PIK3C2G: variants seen among roughly 807,000 people sequenced by gnomAD.
PIK3C2G encodes the protein phosphatidylinositol 3-kinase C2 domain-containing subunit gamma.
PIK3C2G carries 168 observed loss-of-function variants against 181.1 expected under a neutral mutation model. That is an observed-to-expected ratio of 0.93 (90% CI 0.82 to 1.05). PIK3C2G has a LOEUF of 1.05. PIK3C2G is among the 50% of genes least tolerant of loss of function. The pLI, the probability that PIK3C2G is intolerant of heterozygous loss-of-function variation, is 0.00. For missense variants in PIK3C2G, 1,869 were observed against 1,732.8 expected, an observed-to-expected ratio of 1.08 and a Z score of -1.40; for synonymous variants, 573 against 592.2, an observed-to-expected ratio of 0.97 and a Z score of 0.47.
intron 29 of PIK3C2G, among the ~76,000 whole-genome samples, chr12:18,578,649 G>A (rs1229751926): frequency 1.3e-5 from 2 of 152,022 alleles, no homozygotes; most frequent in Non-Finnish European, 2.9e-5. Flanking sequence ...ACCAAATCAT[G>A]TTATTTTCAG....
At chr12:18,529,506 T>A (rs1280339933) in intron 24 of PIK3C2G, among the ~76,000 whole-genome samples, 1 of 152,174 alleles carries the variant, frequency 6.6e-6, no homozygotes, top group Non-Finnish European at 1.5e-5. Context: ...CCCAGTGGTA[T>A]TATCTAGACG....
chr12:18,505,547 G>T, intron 24 of PIK3C2G, 86 bp downstream of exon 24: 1 of 882,260 alleles, frequency 1.1e-6, no homozygotes, highest in Non-Finnish European at 1.6e-6. Context: ...CCCTGCTGAT[G>T]ACTTGCTCCC....
chr12:18,395,405 T>C (rs559382257), intron 15 of PIK3C2G, among the ~76,000 whole-genome samples: 277 of 150,790 alleles, frequency 1.8e-3, no homozygotes, highest in African/African-American at 6.6e-3. Flanking sequence ...ATTAGAACTC[T>C]ATACACAGTA....
intron 26 of PIK3C2G, among the ~76,000 whole-genome samples, chr12:18,554,202 C>G (rs1944882942): frequency 6.6e-6 from 1 of 152,060 alleles, no homozygotes. Context: ...GCGCTCTTCC[C>G]AGGACACAAC....
At chr12:18,325,787 A>C (rs573692296) in intron 8 of PIK3C2G, among the ~76,000 whole-genome samples, 65 of 152,158 alleles carry the variant, frequency 4.3e-4, no homozygotes, top group African/African-American at 1.5e-3. Context: ...TGACATTTGA[A>C]ATGGCTGCAG....
chr12:18,387,733 A>C (rs1371387262), intron 14 of PIK3C2G, among the ~76,000 whole-genome samples: 1 of 152,180 alleles, frequency 6.6e-6, no homozygotes, highest in Admixed American at 6.5e-5. Flanking sequence ...CTTCCCACTG[A>C]CTGAGTGATC....
chr12:18,712,709 G>T, the PIK3C2G span: 2 of 1,078,162 alleles, frequency 1.9e-6, no homozygotes, highest in Non-Finnish European at 2.7e-6. Context: ...GGATTTCACT[G>T]CCTACTAATG....
At chr12:18,665,063 C>T in the PIK3C2G span, among the ~76,000 whole-genome samples, 11 of 149,702 alleles carry the variant, frequency 7.3e-5, no homozygotes, top group East Asian at 2.0e-4. Context: ...TGCTAAATGA[C>T]GAGTTGATGG....
chr12:18,534,496 A>G (rs980034452), intron 24 of PIK3C2G, among the ~76,000 whole-genome samples: 1 of 152,138 alleles, frequency 6.6e-6, no homozygotes, highest in Admixed American at 6.6e-5. Context: ...CGTTACAAAT[A>G]TGTTTGTACT....
At chr12:18,519,400 C>G (rs1237568386) in intron 24 of PIK3C2G, among the ~76,000 whole-genome samples, 1 of 152,148 alleles carries the variant, frequency 6.6e-6, no homozygotes, top group Non-Finnish European at 1.5e-5. Context: ...AATCTGGGTG[C>G]TCCTGTACTG....
At chr12:18,628,720 C>A (rs1214456798) in intron 31 of PIK3C2G, among the ~76,000 whole-genome samples, 1 of 152,196 alleles carries the variant, frequency 6.6e-6, no homozygotes, top group Non-Finnish European at 1.5e-5. Context: ...CTAAGGTCTT[C>A]ATTTCCAATC....
At chr12:18,316,627 T>C (rs1196081244) in intron 6 of PIK3C2G, among the ~76,000 whole-genome samples, 2 of 152,068 alleles carry the variant, frequency 1.3e-5, no homozygotes, top group East Asian at 3.9e-4. Flanking sequence ...ATTGATGCTG[T>C]TGTTTAAAAT....
intron 16 of PIK3C2G, among the ~76,000 whole-genome samples, chr12:18,401,235 T>C (rs527310516): frequency 6.6e-6 from 1 of 152,160 alleles, no homozygotes; most frequent in Admixed American, 6.6e-5. Context: ...CTTTAAATTA[T>C]AAGCAATTTG....
Position 18,609,647 on chromosome 12 carries a change from A to G in PIK3C2G, c.4182+18A>G. The G allele has an allele frequency of 7.1e-7, 1 of 1,405,138 alleles. No homozygotes were observed. The highest frequency in any genetic ancestry group is 2.5e-5 in the East Asian group (1 of 40,558). 87.0% of individuals were successfully genotyped at this position (1,405,138 alleles called of 1,614,324 possible). Reference sequence around the variant, plus strand: ...AAAACATTGTAAGTTTATTATGTATAATAAGAAACATGTAAGCCTACATCC... The same window carrying G: ...AAAACATTGTAAGTTTATTATGTATGATAAGAAACATGTAAGCCTACATCC... On this transcript the variant is annotated intron_variant, in intron 31 of 32. Transcript: ENST00000538779.
At chr12:18,671,103 G>A in the PIK3C2G span, among the ~76,000 whole-genome samples, 1 of 151,740 alleles carries the variant, frequency 6.6e-6, no homozygotes, top group African/African-American at 2.4e-5. Context: ...CTTGAGCCTG[G>A]GAAGTGGAGG....
chr12:18,701,019 C>A, the PIK3C2G span, among the ~76,000 whole-genome samples: 1 of 150,468 alleles, frequency 6.6e-6, no homozygotes, highest in Non-Finnish European at 1.5e-5. Context: ...ATCTCTCATT[C>A]TGTTGCCCAG....
In PIK3C2G at chr12:18,629,651, T is replaced by A. The variant is rs933558671; in HGVS notation, c.4183-10778T>A. 7.2e-5 allele frequency among the ~76,000 whole-genome samples: 11 copies of A among 152,150 alleles called. 1 individual carries two copies. The highest frequency in any genetic ancestry group is 2.1e-4 in the South Asian group (1 of 4,832). ...GCCTAATATTGACTCAGAGATAGGA[T>A]AAGGCCAAAAGTTTAGAAGTGGAGC... On this transcript the variant is annotated intron_variant, in intron 31 of 32. Coordinates refer to ENST00000538779, the MANE Select transcript of PIK3C2G (RefSeq NM_001288772.2).
chr12:18,680,531 G>A, the PIK3C2G span, among the ~76,000 whole-genome samples: 8 of 152,112 alleles, frequency 5.3e-5, no homozygotes, highest in South Asian at 1.7e-3. Flanking sequence ...ATAAGTCTGG[G>A]TAGAGAGACT....
intron 14 of PIK3C2G, among the ~76,000 whole-genome samples, chr12:18,389,352 CAAA>C (rs534886442): frequency 8.6e-6 from 1 of 116,788 alleles, no homozygotes; most frequent in Admixed American, 8.4e-5. Context: ...GACTCCATCT[CAAA>C]AAAAAAAAAA....
Sources: allele counts gnomAD v4.1 joint callset (sites outside exome capture counted in the v4.1 genomes callset), GRCh38; gene constraint gnomAD v4.1.1; transcripts MANE v1.5; gene names NCBI Gene and HGNC (gene_info 2026-07-23, HGNC 2026-07-21).